Variants in EGFR observed in about 807,000 individuals in gnomAD.
EGFR encodes avian erythroblastic leukemia viral (v-erb-b) oncogene homolog.
In EGFR, 58 loss-of-function variants were observed where a neutral mutation model predicts 143.0. That is an observed-to-expected ratio of 0.41 (90% CI 0.33 to 0.50). EGFR has a LOEUF of 0.50. Among genes scored for constraint, EGFR ranks in the 20% least tolerant of loss-of-function variants. The pLI is 0.39. For synonymous variants in EGFR, 613 were observed against 594.4 expected, an observed-to-expected ratio of 1.03 and a Z score of -0.45; for missense variants, 1,307 against 1,579.0, an observed-to-expected ratio of 0.83 and a Z score of 2.92.
At chr7:55,183,323 C>T (rs142776071) in intron 20 of EGFR, among the ~76,000 whole-genome samples, 65 of 152,236 alleles carry the variant, frequency 4.3e-4, no homozygotes, top group Non-Finnish European at 5.3e-4. Flanking sequence ...TTGATCACTC[C>T]GCTATGTGTA....
intron 21 of EGFR, among the ~76,000 whole-genome samples, chr7:55,192,412 T>C (rs1417423593): frequency 6.6e-6 from 1 of 152,076 alleles, no homozygotes; most frequent in Non-Finnish European, 1.5e-5. Flanking sequence ...GCCAGGCCCC[T>C]CTGAGGTTTC....
chr7:55,064,640 A>G (rs1789394445), intron 1 of EGFR, among the ~76,000 whole-genome samples: 1 of 152,222 alleles, frequency 6.6e-6, no homozygotes, highest in Admixed American at 6.5e-5. Flanking sequence ...CTAATTAGAA[A>G]CCAGAAGCTC....
intron 20 of EGFR, among the ~76,000 whole-genome samples, chr7:55,183,481 C>G (rs1786987523): frequency 6.6e-6 from 1 of 152,222 alleles, no homozygotes; most frequent in Non-Finnish European, 1.5e-5. Context: ...AATAAGGTCA[C>G]ATTCTGCAGT....
chr7:55,073,360 T>G (rs1439892807), intron 1 of EGFR, among the ~76,000 whole-genome samples: 1 of 152,194 alleles, frequency 6.6e-6, no homozygotes, highest in Non-Finnish European at 1.5e-5. Context: ...GGGGATTTTT[T>G]TGTGACTATA....
intron 15 of EGFR, chr7:55,166,301 A>G: frequency 1.7e-6 from 1 of 576,900 alleles, no homozygotes; most frequent in Non-Finnish European, 3.4e-6. Context: ...GTCATATAGT[A>G]GTTCACACTT....
intron 19 of EGFR, among the ~76,000 whole-genome samples, chr7:55,178,786 A>C (rs143384475): frequency 6.6e-6 from 1 of 152,376 alleles, no homozygotes; most frequent in African/African-American, 2.4e-5. Flanking sequence ...AAAATAACAC[A>C]CACTCTCCTT....
chr7:55,114,748 TTA>T (rs1792726724), intron 1 of EGFR, among the ~76,000 whole-genome samples: 1 of 152,170 alleles, frequency 6.6e-6, no homozygotes, highest in Non-Finnish European at 1.5e-5. Flanking sequence ...ATCAATGTGT[TTA>T]TGTTTTGTTA....
chr7:55,033,656 G>T (rs1171687702), intron 1 of EGFR, among the ~76,000 whole-genome samples: 1 of 152,168 alleles, frequency 6.6e-6, no homozygotes, highest in Non-Finnish European at 1.5e-5. Flanking sequence ...ATGGCTACAT[G>T]ACTTTGCCCC....
intron 1 of EGFR, among the ~76,000 whole-genome samples, chr7:55,135,704 A>G (rs935099389): frequency 1.3e-5 from 2 of 152,166 alleles, no homozygotes; most frequent in African/African-American, 4.8e-5. Flanking sequence ...TCTAGTTTCC[A>G]TTATTACAAA....
chr7:55,095,586 T>G (rs1791412638), intron 1 of EGFR, among the ~76,000 whole-genome samples: 1 of 152,076 alleles, frequency 6.6e-6, no homozygotes, highest in African/African-American at 2.4e-5. Context: ...GAATTAATTA[T>G]AGACTCAAAG....
At chr7:55,152,215 G>T (rs17336577) in intron 5 of EGFR, 17 of 468,442 alleles carry the variant, frequency 3.6e-5, no homozygotes, top group South Asian at 2.9e-4. Flanking sequence ...AATTGTGGGG[G>T]GGCTGTTAGG....
intron 1 of EGFR, among the ~76,000 whole-genome samples, chr7:55,104,106 C>A (rs568896460): frequency 6.6e-6 from 1 of 152,312 alleles, no homozygotes; most frequent in East Asian, 1.9e-4. Flanking sequence ...TTGGGCAGCA[C>A]TGAGTAGGAT....
intron 1 of EGFR, among the ~76,000 whole-genome samples, chr7:55,034,612 G>T (rs1215638630): frequency 6.6e-6 from 1 of 152,140 alleles, no homozygotes; most frequent in African/African-American, 2.4e-5. Flanking sequence ...AATAAGGCCT[G>T]CGCGTGTTAT....
chr7:55,200,132 C>A (rs1787782299), intron 23 of EGFR, among the ~76,000 whole-genome samples, 184 bp from the exon 24 acceptor site: 1 of 152,206 alleles, frequency 6.6e-6, no homozygotes, highest in Admixed American at 6.5e-5. Context: ...ACAGTGCTGG[C>A]ATGGTCTTTA....
intron 13 of EGFR, 105 bp downstream of exon 13, chr7:55,161,736 C>A (rs751496674): frequency 1.8e-5 from 28 of 1,587,374 alleles, no homozygotes; most frequent in African/African-American, 6.7e-5. Context: ...TCCTTTTATT[C>A]TTTGCCCTTG....
At position 55,155,841 on chromosome 7, in the gene EGFR, G is replaced by T. The variant is rs779094647; in HGVS notation, c.901G>T (p.Val301Leu). 6.2e-7 allele frequency: 1 copy of T among 1,614,010 alleles called. No individual in the cohort carries two copies. The highest frequency in any genetic ancestry group is 8.5e-7 in the Non-Finnish European group (1 of 1,179,954). ...CVKKCPRNYV[V>L]TDHGSCVRAC... ...GCTCTCTTCCCCAGGTAATTATGTG[G>T]TGACAGATCACGGCTCGTGCGTCCG... Residue 301 changes from valine (V) to leucine (L), a missense_variant, in exon 8 of 28, where the codon GTG (valine) becomes TTG (leucine). Physicochemically the swap from Val to Leu is conservative, Grantham distance 32. This residue lies in a region of EGFR where 311 missense variants were observed against 412.3 expected (regional missense o/e 0.75). Transcript: ENST00000275493.
At chr7:55,166,685 G>GT (rs1786010872) in intron 15 of EGFR, among the ~76,000 whole-genome samples, 1 of 80,274 alleles carries the variant, frequency 1.2e-5, no homozygotes. Flanking sequence ...AGTCACAATG[G>GT]TGGTGGTGAT....
intron 1 of EGFR, among the ~76,000 whole-genome samples, chr7:55,049,470 C>T (rs1232475088): frequency 2.0e-5 from 3 of 152,186 alleles, no homozygotes; most frequent in Non-Finnish European, 4.4e-5. Flanking sequence ...CAGACCAGTG[C>T]TTGTATCAGC....
At chr7:55,197,936 T>A (rs1787686290) in intron 22 of EGFR, among the ~76,000 whole-genome samples, 2 of 152,248 alleles carry the variant, frequency 1.3e-5, no homozygotes, top group African/African-American at 2.4e-5. Context: ...TCTATGTTCA[T>A]CAGAGATATT....
Sources: gnomAD v4.1 joint callset for allele counts (sites outside exome capture counted in the v4.1 genomes callset) on GRCh38, gnomAD v4.1.1 for gene constraint, gnomAD v4.1.1 regional missense constraint, MANE v1.5 for transcripts, NCBI Gene and HGNC (gene_info 2026-07-23, HGNC 2026-07-21) for gene names.